PRSS48: variants seen among roughly 807,000 people sequenced by gnomAD.
PRSS48 encodes the protein serine protease 48.
In PRSS48, 21 loss-of-function variants were observed where a neutral mutation model predicts 25.6. That is an observed-to-expected ratio of 0.82 (90% confidence interval 0.58 to 1.18). The LOEUF (loss-of-function observed/expected upper bound fraction) is 1.18. PRSS48 is among the 50% of genes most tolerant of loss of function. PRSS48 has a pLI of 0.00. For missense variants in PRSS48, 373 were observed against 399.3 expected, an observed-to-expected ratio of 0.93 and a Z score of 0.56; for synonymous variants, 150 against 149.3, an observed-to-expected ratio of 1.00 and a Z score of -0.04.
chr4:151,290,649 A>C (rs1204805725), intron 4 of PRSS48, among the ~76,000 whole-genome samples: 1 of 152,126 alleles, frequency 6.6e-6, no homozygotes, highest in Non-Finnish European at 1.5e-5. Flanking sequence ...TATACTAAAA[A>C]CCACTGAATT....
At chr4:151,279,455 T>C (rs1773973730) in intron 1 of PRSS48, among the ~76,000 whole-genome samples, 1 of 152,176 alleles carries the variant, frequency 6.6e-6, no homozygotes, top group African/African-American at 2.4e-5. Context: ...CATTTGAAAA[T>C]TTTGGCCTTT....
rs138098614 is a variant in PRSS48, at chr4:151,283,822, T to C, written c.651+536T>C. 2.0e-4 allele frequency among the ~76,000 whole-genome samples: 31 copies of C among 152,288 alleles called. No homozygotes were observed. In the East Asian group the frequency reaches 5.2e-3, roughly 26 times the overall value. ...CCTGTATATTTTCATAAGTATATTA[T>C]GAGGTTGAAGCAGAATTGCCAACTT... On this transcript the variant is annotated intron_variant, in intron 4 of 4. Transcript: ENST00000455694.
intron 1 of PRSS48, among the ~76,000 whole-genome samples, chr4:151,278,684 G>A (rs6811059): frequency 0.032 from 4,857 of 151,970 alleles, 266 homozygotes; most frequent in African/African-American, 0.11. Context: ...AGGCTGGAGT[G>A]CAGTGGCATG....
At chr4:151,279,990 A>G in intron 2 of PRSS48, 32 bp downstream of exon 2, 1 of 1,312,762 alleles carries the variant, frequency 7.6e-7, no homozygotes, top group Non-Finnish European at 1.0e-6. Flanking sequence ...ACACACAGAC[A>G]GGTTCTCAGT....
chr4:151,289,060 TG>T (rs1421993158), intron 4 of PRSS48, among the ~76,000 whole-genome samples: 1 of 152,246 alleles, frequency 6.6e-6, no homozygotes, highest in Non-Finnish European at 1.5e-5. Flanking sequence ...GAAATAGGAT[TG>T]AGTGTACAGA....
At chr4:151,279,543 G>A (rs1177695264) in intron 1 of PRSS48, among the ~76,000 whole-genome samples, 1 of 152,168 alleles carries the variant, frequency 6.6e-6, no homozygotes, top group African/African-American at 2.4e-5. Context: ...GTTACTATGT[G>A]TTAATGATAC....
chr4:151,283,323 G>A, intron 4 of PRSS48, 37 bp downstream of exon 4: 2 of 1,599,138 alleles, frequency 1.3e-6, no homozygotes, highest in East Asian at 2.2e-5. Context: ...TTTTAAACAT[G>A]AGATCTTAAT....
intron 4 of PRSS48, among the ~76,000 whole-genome samples, chr4:151,285,548 T>C (rs968587412): frequency 6.6e-5 from 10 of 152,222 alleles, no homozygotes; most frequent in African/African-American, 2.4e-4. Flanking sequence ...TCAAATCTTA[T>C]GGAAGCAGCT....
At chr4:151,278,206 T>C (rs969940528) in intron 1 of PRSS48, among the ~76,000 whole-genome samples, 1 of 152,168 alleles carries the variant, frequency 6.6e-6, no homozygotes, top group Non-Finnish European at 1.5e-5. Flanking sequence ...ATTTATAAAC[T>C]AACATACTTC....
rs1323663705 is a variant in PRSS48 at position 151,279,795 on chromosome 4, G to C, written c.53-1G>C. Reference sequence around the variant, plus strand: ...CATTTCCCTTTCTTCTCTTTCTCTAGTGTGTGGGCAACCTGTATACTCCAG... The same window carrying C: ...CATTTCCCTTTCTTCTCTTTCTCTACTGTGTGGGCAACCTGTATACTCCAG... On this transcript the variant is annotated splice_acceptor_variant, in intron 1 of 4. Transcript: ENST00000455694. LOFTEE classifies it high-confidence loss of function. 2 of 1,613,772 alleles carry C rather than the reference G, an allele frequency of 1.2e-6. No individual in the cohort carries two copies. The highest frequency in any genetic ancestry group is 1.7e-6 in the Non-Finnish European group (2 of 1,179,764).
intron 4 of PRSS48, among the ~76,000 whole-genome samples, chr4:151,283,653 T>A (rs1377287855): frequency 6.6e-6 from 1 of 151,908 alleles, no homozygotes; most frequent in Non-Finnish European, 1.5e-5. Context: ...CCTGAGTAGC[T>A]GGGACTACAA....
At chr4:151,289,629 G>A (rs1371288278) in intron 4 of PRSS48, among the ~76,000 whole-genome samples, 1 of 152,152 alleles carries the variant, frequency 6.6e-6, no homozygotes, top group African/African-American at 2.4e-5. Flanking sequence ...AGAGAAATTG[G>A]AGCCTTCTAA....
At chr4:151,279,836 C>T (rs1195225737) in exon 2 of PRSS48, 1 of 1,613,146 alleles carries the variant, frequency 6.2e-7, no homozygotes, top group Admixed American at 1.7e-5. Context: ...TTGTAGGTGG[C>T]CAGGATGCTG....
chr4:151,279,165 C>A, intron 1 of PRSS48: 1 of 403,148 alleles, frequency 2.5e-6, no homozygotes, highest in South Asian at 1.9e-5. Flanking sequence ...ATCTACAACA[C>A]GTCTTGAGTA....
chr4:151,277,752 G>A (rs948498237), intron 1 of PRSS48, among the ~76,000 whole-genome samples: 2 of 151,918 alleles, frequency 1.3e-5, no homozygotes, highest in African/African-American at 4.8e-5. Flanking sequence ...TAAAGGAAGG[G>A]TATACTGGCC....
At chr4:151,283,332 AT>A in intron 4 of PRSS48, 46 bp downstream of exon 4, 1 of 1,571,166 alleles carries the variant, frequency 6.4e-7, no homozygotes, top group South Asian at 1.1e-5. Flanking sequence ...TGAGATCTTA[AT>A]TTGGATCCAG....
At chr4:151,282,979 C>A in intron 3 of PRSS48, 138 bp from the exon 4 acceptor site, 1 of 674,310 alleles carries the variant, frequency 1.5e-6, no homozygotes, top group Non-Finnish European at 2.5e-6. Context: ...AAAGATCCAC[C>A]CATAAGCAAA....
At chr4:151,288,663 G>A (rs1474240982) in intron 4 of PRSS48, among the ~76,000 whole-genome samples, 1 of 151,310 alleles carries the variant, frequency 6.6e-6, no homozygotes, top group African/African-American at 2.4e-5. Context: ...AACGAAGCGA[G>A]ACTCTGTCTT....
chr4:151,281,347 A>G (rs1302189141), intron 2 of PRSS48, among the ~76,000 whole-genome samples: 2 of 152,214 alleles, frequency 1.3e-5, no homozygotes, highest in East Asian at 1.9e-4. Context: ...TAATCACCCA[A>G]TAGGACCCAG....
Sources: allele counts gnomAD v4.1 joint callset (sites outside exome capture counted in the v4.1 genomes callset), GRCh38; gene constraint gnomAD v4.1.1; transcripts MANE v1.5; gene names NCBI Gene and HGNC (gene_info 2026-07-23, HGNC 2026-07-21).